The following ATP2B2 variants were observed in gnomAD, a reference collection of about 807,000 sequenced individuals.
ATP2B2 encodes plasma membrane calcium-transporting ATPase 2.
ATP2B2 carries 15 observed loss-of-function variants against 120.0 expected under a neutral mutation model. That is an observed-to-expected ratio of 0.12 (90% CI 0.08 to 0.19). The LOEUF is 0.19. Ranked by LOEUF, ATP2B2 falls within the 10% of genes least tolerant of loss-of-function variation. ATP2B2 has a pLI of 1.00. For missense variants in ATP2B2, 1,045 were observed against 1,719.8 expected, an observed-to-expected ratio of 0.61 and a Z score of 6.94; for synonymous variants, 694 against 700.3, an observed-to-expected ratio of 0.99 and a Z score of 0.14.
chr3:10,512,483 C>G (rs1178291754), intron 3 of ATP2B2, among the ~76,000 whole-genome samples: 55 of 151,512 alleles, frequency 3.6e-4, no homozygotes, highest in Admixed American at 1.1e-3. Flanking sequence ...CACACACACA[C>G]ACACACACAC....
At chr3:10,362,474 C>A (rs1481443845) in intron 12 of ATP2B2, among the ~76,000 whole-genome samples, 1 of 152,256 alleles carries the variant, frequency 6.6e-6, no homozygotes, top group Non-Finnish European at 1.5e-5. Context: ...GCCTTTGAAC[C>A]TAAACCAGGT....
intron 3 of ATP2B2, among the ~76,000 whole-genome samples, chr3:10,522,886 T>G (rs999179583): frequency 3.3e-5 from 5 of 152,234 alleles, no homozygotes; most frequent in African/African-American, 1.2e-4. Flanking sequence ...GTTCTTCAGC[T>G]GCAGAGATGG....
chr3:10,638,285 A>C (rs902776302), intron 1 of ATP2B2, among the ~76,000 whole-genome samples: 1 of 152,210 alleles, frequency 6.6e-6, no homozygotes, highest in Non-Finnish European at 1.5e-5. Context: ...CTACACAAAA[A>C]TGACAACAAA....
chr3:10,693,727 C>T (rs573838886), intron 1 of ATP2B2, among the ~76,000 whole-genome samples: 1 of 152,312 alleles, frequency 6.6e-6, no homozygotes, highest in African/African-American at 2.4e-5. Flanking sequence ...ATGCAAACTC[C>T]ACGAGGACAG....
intron 14 of ATP2B2, among the ~76,000 whole-genome samples, chr3:10,355,392 G>A (rs140969080): frequency 6.6e-6 from 1 of 152,234 alleles, no homozygotes; most frequent in Non-Finnish European, 1.5e-5. Flanking sequence ...ACATCCCAGG[G>A]GTGAGCCAAC....
intron 2 of ATP2B2, among the ~76,000 whole-genome samples, chr3:10,421,218 C>G (rs1305717784): frequency 6.6e-6 from 1 of 152,214 alleles, no homozygotes; most frequent in Non-Finnish European, 1.5e-5. Context: ...CACCTTTGAG[C>G]CTCGCCAACA....
intron 2 of ATP2B2, among the ~76,000 whole-genome samples, chr3:10,602,951 T>C (rs2068962754): frequency 6.6e-6 from 1 of 152,208 alleles, no homozygotes; most frequent in African/African-American, 2.4e-5. Flanking sequence ...CTCCTTCTTT[T>C]CTTAACTTCT....
chr3:10,617,644 T>C (rs536006731), intron 2 of ATP2B2, among the ~76,000 whole-genome samples: 1 of 152,334 alleles, frequency 6.6e-6, no homozygotes, highest in East Asian at 1.9e-4. Context: ...GTTTTGCCTG[T>C]CTCCAAAGAC....
intron 1 of ATP2B2, among the ~76,000 whole-genome samples, chr3:10,474,269 T>A (rs1161612433): frequency 6.6e-6 from 1 of 152,142 alleles, no homozygotes. Context: ...GTAGGCATGA[T>A]GAAGAATCCT....
Position 10,358,876 on chromosome 3 carries a change from G to C in ATP2B2, c.1951C>G (p.Arg651Gly). 1 of 1,614,056 alleles carries C rather than the reference G, an allele frequency of 6.2e-7. No homozygotes were observed. The highest frequency in any genetic ancestry group is 8.5e-7 in the Non-Finnish European group (1 of 1,180,010). ...GAGEPRVFRP[R>G]DRDEMVKKVI... is the part of the protein sequence containing the mutation. ...TTCTTTACCATCTCGTCCCGGTCGC[G>C]GGGCCGGAAGACACGAGGCTCTCCC... is the stretch of plus-strand genomic sequence containing the variant. The change falls in exon 14 of 23, where the codon CGC becomes GGC. Residue 651 changes from arginine to glycine, a missense_variant. This residue lies in a region of ATP2B2 where 343 missense variants were observed against 536.8 expected (regional missense o/e 0.64). Transcript: ENST00000360273.
chr3:10,380,377 C>T (rs1445668326), intron 8 of ATP2B2, among the ~76,000 whole-genome samples: 1 of 152,236 alleles, frequency 6.6e-6, no homozygotes. Context: ...AGAAGGTTGG[C>T]CACCCTTGGA....
intron 1 of ATP2B2, among the ~76,000 whole-genome samples, chr3:10,703,469 C>T (rs964250140): frequency 6.6e-6 from 1 of 152,166 alleles, no homozygotes; most frequent in Non-Finnish European, 1.5e-5. Flanking sequence ...TTCGGCTCCT[C>T]TACCTGCCAC....
intron 1 of ATP2B2, among the ~76,000 whole-genome samples, chr3:10,483,894 C>T (rs897179043): frequency 7.9e-5 from 12 of 151,942 alleles, no homozygotes; most frequent in African/African-American, 2.7e-4. Context: ...GGCACAGGGC[C>T]GGGCACCCAG....
intron 3 of ATP2B2, among the ~76,000 whole-genome samples, chr3:10,530,259 AG>A (rs1351129182): frequency 6.6e-6 from 1 of 152,210 alleles, no homozygotes; most frequent in Non-Finnish European, 1.5e-5. Flanking sequence ...CCAGGCCCTA[AG>A]CTGGGCATAT....
intron 1 of ATP2B2, among the ~76,000 whole-genome samples, chr3:10,666,526 C>T (rs896445786): frequency 9.2e-5 from 14 of 152,364 alleles, no homozygotes; most frequent in East Asian, 7.7e-4. Context: ...AGGACGCCTG[C>T]CCAGAGGCTG....
intron 2 of ATP2B2, among the ~76,000 whole-genome samples, chr3:10,586,655 T>C (rs1202370060): frequency 2.0e-5 from 3 of 152,194 alleles, no homozygotes; most frequent in South Asian, 4.1e-4. Flanking sequence ...TGCATCCTTC[T>C]GGCCCCTTCT....
chr3:10,625,494 C>A (rs2069671371), intron 1 of ATP2B2, among the ~76,000 whole-genome samples: 1 of 152,178 alleles, frequency 6.6e-6, no homozygotes, highest in Non-Finnish European at 1.5e-5. Context: ...ATATTGGTTT[C>A]CTACTCCGCC....
At chr3:10,501,776 C>T (rs537796790) in intron 1 of ATP2B2, among the ~76,000 whole-genome samples, 12 of 152,156 alleles carry the variant, frequency 7.9e-5, no homozygotes, top group South Asian at 2.1e-4. Context: ...AGTTTCCCCA[C>T]GTGTGACAGG....
chr3:10,677,429 C>T (rs181505094), intron 1 of ATP2B2, among the ~76,000 whole-genome samples: 155 of 152,042 alleles, frequency 1.0e-3, no homozygotes, highest in African/African-American at 2.8e-3. Context: ...ATAGGTGGAG[C>T]GGGGATGTTT....
Sources: allele counts gnomAD v4.1 joint callset (sites outside exome capture counted in the v4.1 genomes callset), GRCh38; gene constraint gnomAD v4.1.1; regional missense constraint gnomAD v4.1.1; transcripts MANE v1.5; gene names NCBI Gene and HGNC (gene_info 2026-07-23, HGNC 2026-07-21).